Variants in MAPK8IP3 observed in about 807,000 individuals in gnomAD.
MAPK8IP3 encodes the protein mitogen-activated protein kinase 8 interacting protein 3, also known as C-Jun-amino-terminal kinase-interacting protein 3.
MAPK8IP3 carries 49 observed loss-of-function variants against 157.8 expected under a neutral mutation model. The observed-to-expected ratio is 0.31, with a 90% CI of 0.25 to 0.39. The LOEUF is 0.39. Ranked by LOEUF, MAPK8IP3 falls within the 10% of genes least tolerant of loss-of-function variation. The pLI is 1.00. For missense variants in MAPK8IP3, 1,478 were observed against 1,889.4 expected, an observed-to-expected ratio of 0.78 and a Z score of 4.04; for synonymous variants, 897 against 777.7, an observed-to-expected ratio of 1.15 and a Z score of -2.55.
Position 1,761,260 on chromosome 16 carries a change from C to T in MAPK8IP3, c.1494C>T (p.Pro498=). The T allele has an allele frequency of 6.2e-7, 1 of 1,613,820 alleles. No individual in the cohort carries two copies. The highest frequency in any genetic ancestry group is 8.5e-7 in the Non-Finnish European group (1 of 1,180,016). The part of the protein sequence containing the change: ...KSEAIIARRE[P]KEEAEDVSSY... ...AGGCCATCATCGCCCGCCGTGAACC[C>T]AAAGAAGAGGCGGAGGATGTAAGCA... Residue 498 remains proline, a synonymous_variant, in exon 13 of 32, where the codon CCC becomes CCT. Coordinates refer to ENST00000610761, the MANE Select transcript of MAPK8IP3 (RefSeq NM_001318852.2).
chr16:1,712,067 T>TC (rs2037822076), intron 1 of MAPK8IP3, among the ~76,000 whole-genome samples: 4 of 118,484 alleles, frequency 3.4e-5, no homozygotes, highest in Admixed American at 3.2e-4. Context: ...TTTTTTTTTT[T>TC]TTTTTCTTTT....
At chr16:1,736,201 TGTGTGACCATCC>T (rs142526419) in intron 4 of MAPK8IP3, among the ~76,000 whole-genome samples, 6,656 of 93,714 alleles carry the variant, frequency 0.071, 363 homozygotes, top group Non-Finnish European at 0.083. Flanking sequence ...CGTGTGAGCA[TGTGTGACCATCC>T]GTGTGAGCGT....
rs529867680 is a variant in MAPK8IP3, at chr16:1,743,725, C to A, written c.747+249C>A. On this transcript the variant is annotated intron_variant, in intron 5 of 31. Coordinates refer to ENST00000610761, the MANE Select transcript of MAPK8IP3 (RefSeq NM_001318852.2). The surrounding 1 kb of genome is among the most constrained non-coding windows in gnomAD (Gnocchi z 5.6). The stretch of plus-strand genomic sequence containing the variant: ...GCACCTGCTAGTCCAGGCTAGACCT[C>A]CCTGCCCTTGGATAGACCGCTCTGT... The A allele has an allele frequency of 2.9e-6, 4 of 1,380,392 alleles. No homozygotes were observed. In the South Asian group the frequency reaches 6.8e-5, roughly 24 times the overall value. The allele number at this position is 1,380,392 out of a possible 1,614,324, so 85.5% of individuals were successfully genotyped here.
chr16:1,718,025 T>C (rs2038269940), intron 1 of MAPK8IP3, among the ~76,000 whole-genome samples: 1 of 150,246 alleles, frequency 6.7e-6, no homozygotes, highest in South Asian at 2.1e-4. Flanking sequence ...CTAATCTTTT[T>C]TGTATTTTTA....
intron 1 of MAPK8IP3, among the ~76,000 whole-genome samples, chr16:1,711,953 A>G (rs952452561): frequency 2.0e-5 from 3 of 151,100 alleles, no homozygotes; most frequent in African/African-American, 7.3e-5. Flanking sequence ...AAAAAAAAAA[A>G]AAAAGAAAAA....
intron 4 of MAPK8IP3, among the ~76,000 whole-genome samples, chr16:1,739,827 CGT>C (rs1426014892): frequency 3.1e-5 from 3 of 97,270 alleles, no homozygotes; most frequent in African/African-American, 8.3e-5. Flanking sequence ...TGTGAGCATC[CGT>C]GTGACCGTCC....
At position 1,740,829 on chromosome 16, in the gene MAPK8IP3, T is replaced by G. The variant is rs555122590; in HGVS notation, c.603-2503T>G. 5.3e-5 allele frequency among the ~76,000 whole-genome samples: 8 copies of G among 152,350 alleles called. No homozygotes were observed. The East Asian group carries it at 1.5e-3, about 29-fold the overall frequency. On this transcript the variant is annotated intron_variant, in intron 4 of 31. Transcript: ENST00000610761. ...GCTTGGTCTGCTGTGAGGTGTTTCC[T>G]GTGGCAGATGTGAGAGGTCGGAAGG... is the stretch of plus-strand genomic sequence containing the variant.
At chr16:1,721,902 T>G (rs1347680085) in intron 1 of MAPK8IP3, among the ~76,000 whole-genome samples, 2 of 152,136 alleles carry the variant, frequency 1.3e-5, no homozygotes, top group Non-Finnish European at 2.9e-5. Context: ...CCCGAGTAGC[T>G]GGGACTACAG....
rs753731311 is a variant in MAPK8IP3 at position 1,760,457 on chromosome 16, G to A, written c.1382G>A (p.Gly461Asp). ...TCCGGGGAGCAGGAGGTGCTGAGGG[G>A]CGAGTTGGAGGCTGCTAAGCAGGCC... ...QLSGEQEVLR[G>D]ELEAAKQAKV... The change falls in exon 12 of 32, where the codon GGC becomes GAC. Residue 461 changes from glycine to aspartate, a missense_variant. Around this residue, in one of 11 missense-constraint regions of MAPK8IP3, gnomAD observed 96 missense variants for 106.3 expected, o/e 0.90. Transcript: ENST00000610761. The A allele has an allele frequency of 1.2e-6, 2 of 1,614,030 alleles. No individual in the cohort carries two copies. The highest frequency in any genetic ancestry group is 2.2e-5 in the East Asian group (1 of 44,880).
At chr16:1,729,245 G>C (rs2039122308) in intron 3 of MAPK8IP3, 37 bp downstream of exon 3, 3 of 1,609,338 alleles carry the variant, frequency 1.9e-6, no homozygotes, top group Non-Finnish European at 2.6e-6. Context: ...ACGAGGGTTG[G>C]AGACAGGGCC....
intron 9 of MAPK8IP3, among the ~76,000 whole-genome samples, chr16:1,758,523 G>A (rs1182054564): frequency 4.6e-5 from 7 of 152,164 alleles, no homozygotes; most frequent in East Asian, 3.8e-4. Flanking sequence ...AAGCCCCTAC[G>A]AAGCCCAGCC....
At chr16:1,716,646 G>T (rs1045301439) in intron 1 of MAPK8IP3, among the ~76,000 whole-genome samples, 3 of 151,932 alleles carry the variant, frequency 2.0e-5, no homozygotes, top group African/African-American at 7.2e-5. Flanking sequence ...GGGCATGGTG[G>T]CTCACGGCTC....
chr16:1,753,684 G>A (rs977855937), intron 8 of MAPK8IP3, among the ~76,000 whole-genome samples: 34 of 150,368 alleles, frequency 2.3e-4, no homozygotes, highest in African/African-American at 4.9e-4. Flanking sequence ...CTCATGATCC[G>A]CCCACCTCGG....
chr16:1,739,009 TC>T (rs2040368361), intron 4 of MAPK8IP3, among the ~76,000 whole-genome samples: 1 of 123,794 alleles, frequency 8.1e-6, no homozygotes, highest in Non-Finnish European at 1.6e-5. Flanking sequence ...TGTGTGACCA[TC>T]CATGTGAGCA....
In MAPK8IP3 at chr16:1,767,641, C is replaced by T. The variant is rs1170238818; in HGVS notation, c.3315C>T (p.Ser1105=). 3.7e-6 allele frequency: 6 copies of T among 1,612,696 alleles called. No homozygotes were observed. The highest frequency in any genetic ancestry group is 1.3e-5 in the African/African-American group (1 of 75,038). Residue 1105 remains serine, a synonymous_variant, in exon 27 of 32, where the codon TCC becomes TCT. Transcript: ENST00000610761. ...LAWIGDGVWV[S]IRLDSTLRLY... is the part of the protein sequence containing the mutation. ...GGATCGGCGATGGCGTATGGGTGTC[C>T]ATCCGCCTGGACTCCACCCTGAGGC...
chr16:1,706,837 T>G lies in MAPK8IP3; in HGVS notation c.318+180T>G, dbSNP rs2037425140. ...GACCCCATATCCCCCGCCCCGGGACTTCCCCACCCCCTCTGCCCGCCGTGA... is the reference window on the plus strand; with the variant it reads ...GACCCCATATCCCCCGCCCCGGGACGTCCCCACCCCCTCTGCCCGCCGTGA... On this transcript the variant is annotated intron_variant, in intron 1 of 31. Coordinates refer to ENST00000610761, the MANE Select transcript of MAPK8IP3 (RefSeq NM_001318852.2). This position sits in a 1 kb window ranked among gnomAD's most constrained non-coding sequence, Gnocchi z 5.1. Among the ~76,000 whole-genome samples the G allele has an allele frequency of 1.8e-5, 1 of 57,110 alleles. No individual in the cohort carries two copies. The highest frequency in any genetic ancestry group is 3.4e-5 in the Non-Finnish European group (1 of 29,830). The allele number at this position is 57,110 out of a possible 152,430, so 37.5% of individuals were successfully genotyped here.
At chr16:1,748,767 G>A in intron 8 of MAPK8IP3, 47 bp downstream of exon 8, 3 of 1,500,106 alleles carry the variant, frequency 2.0e-6, no homozygotes, top group East Asian at 2.3e-5. Flanking sequence ...ACAATGCTGG[G>A]GCTTTCTGCT....
Position 1,769,692 on chromosome 16 carries a change from G to C in MAPK8IP3, c.*868G>C, listed in dbSNP as rs148365074. 7 of 152,474 alleles carry C rather than the reference G, an allele frequency of 4.6e-5. No homozygotes were observed. Among genetic ancestry groups the C allele is most frequent in the Non-Finnish European group, 1.0e-4 (7 of 68,122 alleles). The allele number at this position is 152,474 out of a possible 1,614,324, so 9.4% of individuals were successfully genotyped here. Reference sequence around the variant, plus strand: ...AGAAGGGGAGGCCCCTGGCCTCTCCGGGATCAGTCCTAGGACACAGGCTCA... The same window carrying C: ...AGAAGGGGAGGCCCCTGGCCTCTCCCGGATCAGTCCTAGGACACAGGCTCA... On this transcript the variant is annotated 3_prime_UTR_variant, in exon 32 of 32. Transcript: ENST00000610761.
At position 1,762,556 on chromosome 16, in the gene MAPK8IP3, C is replaced by T; in HGVS notation, c.1670+75C>T. Reference sequence around the variant, plus strand: ...CAGGACTGCGGCTCCCTCCTCTGCACCTCCCTGTCTTCTGGGGGGACTGAA... The same window carrying T: ...CAGGACTGCGGCTCCCTCCTCTGCATCTCCCTGTCTTCTGGGGGGACTGAA... On this transcript the variant is annotated intron_variant, in intron 14 of 31. Transcript: ENST00000610761. 1.9e-6 allele frequency: 3 copies of T among 1,589,812 alleles called. No individual in the cohort carries two copies. The African/African-American group carries it at 4.0e-5, about 21-fold the overall frequency.
Sources: gnomAD v4.1 joint callset for allele counts (sites outside exome capture counted in the v4.1 genomes callset) on GRCh38, gnomAD v4.1.1 for gene constraint, gnomAD v4.1.1 regional missense constraint, Gnocchi (gnomAD v3.1) non-coding constraint, MANE v1.5 for transcripts, NCBI Gene and HGNC (gene_info 2026-07-23, HGNC 2026-07-21) for gene names.